The following RIT2 variants were observed in gnomAD, a reference collection of about 807,000 sequenced individuals.
The protein encoded by RIT2 is GTP-binding protein Rit2.
RIT2 carries 24 observed loss-of-function variants against 23.7 expected under a neutral mutation model. The observed-to-expected ratio is 1.01, with a 90% CI of 0.73 to 1.43. The LOEUF is 1.43. RIT2 is among the 40% of genes most tolerant of loss of function. The pLI is 0.00. For synonymous variants in RIT2, 107 were observed against 91.1 expected (o/e 1.17, Z -0.99); for missense variants, 236 against 266.9 (o/e 0.88, Z 0.81).
At chr18:42,939,591 A>G (rs1459212404) in intron 3 of RIT2, among the ~76,000 whole-genome samples, 5 of 152,140 alleles carry the variant, frequency 3.3e-5, no homozygotes, top group Admixed American at 3.3e-4. Flanking sequence ...TTAATCTGGT[A>G]TTACTACTAA....
At chr18:43,057,926 A>G (rs1912548222) in intron 1 of RIT2, among the ~76,000 whole-genome samples, 1 of 151,962 alleles carries the variant, frequency 6.6e-6, no homozygotes, top group Non-Finnish European at 1.5e-5. Flanking sequence ...TGGGCAACAC[A>G]TAATAGAATT....
intron 4 of RIT2, among the ~76,000 whole-genome samples, chr18:42,838,961 T>C (rs554382021): frequency 6.6e-6 from 1 of 152,314 alleles, no homozygotes; most frequent in East Asian, 1.9e-4. Context: ...GCAGAGCAAC[T>C]TCCGACAACA....
chr18:42,808,385 G>A (rs1568001434), intron 4 of RIT2, among the ~76,000 whole-genome samples: 1 of 152,164 alleles, frequency 6.6e-6, no homozygotes, highest in Non-Finnish European at 1.5e-5. Context: ...TAGAGGACAT[G>A]TAAAGTCATA....
chr18:43,081,182 C>T (rs1327966789), intron 1 of RIT2, among the ~76,000 whole-genome samples: 1 of 152,008 alleles, frequency 6.6e-6, no homozygotes, highest in African/African-American at 2.4e-5. Flanking sequence ...AATAAAAAGG[C>T]CTAAAAATAT....
intron 4 of RIT2, among the ~76,000 whole-genome samples, chr18:42,887,457 C>T (rs1392513186): frequency 6.6e-6 from 1 of 152,048 alleles, no homozygotes; most frequent in African/African-American, 2.4e-5. Flanking sequence ...ATGTATCACT[C>T]CATACATAAA....
chr18:42,783,430 C>T (rs1913856069), intron 4 of RIT2, among the ~76,000 whole-genome samples: 1 of 152,066 alleles, frequency 6.6e-6, no homozygotes, highest in African/African-American at 2.4e-5. Context: ...TACATTTAGC[C>T]TGTGCAATGT....
At chr18:42,990,045 G>T (rs1165632849) in intron 2 of RIT2, among the ~76,000 whole-genome samples, 2 of 149,888 alleles carry the variant, frequency 1.3e-5, no homozygotes, top group Admixed American at 6.7e-5. Flanking sequence ...GTGTGTGTAT[G>T]AATTTATTGT....
intron 4 of RIT2, among the ~76,000 whole-genome samples, chr18:42,912,043 T>C (rs1316845011): frequency 6.6e-6 from 1 of 151,766 alleles, no homozygotes; most frequent in African/African-American, 2.4e-5. Flanking sequence ...CTGAACAAAA[T>C]TTTATCAAAA....
chr18:43,024,741 A>G (rs1039996340), intron 2 of RIT2, among the ~76,000 whole-genome samples: 7 of 151,936 alleles, frequency 4.6e-5, no homozygotes. Context: ...CAACAACAAC[A>G]ACAAAATAGC....
chr18:42,750,911 A>G (rs917031508), intron 4 of RIT2, among the ~76,000 whole-genome samples: 1 of 151,902 alleles, frequency 6.6e-6, no homozygotes, highest in Admixed American at 6.6e-5. Context: ...AATAGAGAAG[A>G]AATATTTGAA....
At chr18:42,942,244 T>A (rs1335936772) in intron 3 of RIT2, among the ~76,000 whole-genome samples, 4 of 152,110 alleles carry the variant, frequency 2.6e-5, no homozygotes, top group Non-Finnish European at 5.9e-5. Context: ...TAAGGACTGC[T>A]TTTTACTGGC....
intron 4 of RIT2, among the ~76,000 whole-genome samples, chr18:42,884,799 G>A (rs189025963): frequency 1.4e-4 from 22 of 152,308 alleles, no homozygotes; most frequent in East Asian, 7.7e-4. Flanking sequence ...AGTGATTCTC[G>A]TTGGTTATAG....
intron 4 of RIT2, among the ~76,000 whole-genome samples, chr18:42,855,128 A>T (rs1471274105): frequency 6.6e-6 from 1 of 152,234 alleles, no homozygotes; most frequent in African/African-American, 2.4e-5. Context: ...CTAAAAAAAC[A>T]GCAAAATATT....
intron 4 of RIT2, among the ~76,000 whole-genome samples, chr18:42,834,622 A>G (rs1906548797): frequency 6.6e-6 from 1 of 152,136 alleles, no homozygotes. Flanking sequence ...GTTTTGCAGA[A>G]GTAAAATAAG....
chr18:42,902,321 T>C (rs1054454802), intron 4 of RIT2, among the ~76,000 whole-genome samples: 3 of 151,684 alleles, frequency 2.0e-5, no homozygotes, highest in African/African-American at 7.2e-5. Flanking sequence ...TTTGTCATGA[T>C]GGTGATTAGT....
At chr18:43,071,837 T>C (rs975737961) in intron 1 of RIT2, among the ~76,000 whole-genome samples, 2 of 152,194 alleles carry the variant, frequency 1.3e-5, no homozygotes, top group Non-Finnish European at 2.9e-5. Flanking sequence ...CTCAAAGTTA[T>C]CTATGAGTCA....
intron 2 of RIT2, among the ~76,000 whole-genome samples, chr18:42,981,598 C>A (rs1396470700): frequency 6.6e-6 from 1 of 151,566 alleles, no homozygotes; most frequent in Non-Finnish European, 1.5e-5. Flanking sequence ...AGACACAATC[C>A]AAAATGCCAT....
chr18:43,026,622 A>G lies in RIT2; in HGVS notation c.160+7189T>C, dbSNP rs1030461834. On this transcript the variant is annotated intron_variant, in intron 2 of 4. Transcript: ENST00000326695. ...AAAGAAAGAAAGAAAGAAAGAAAGA[A>G]AGAAAGAAAGAAAGAGAGAAAGAAG... Among the ~76,000 whole-genome samples the G allele has an allele frequency of 5.8e-5, 8 of 137,768 alleles. No individual in the cohort carries two copies. The South Asian group carries it at 7.8e-4, about 13-fold the overall frequency. The allele number at this position is 137,768 out of a possible 152,430, so 90.4% of individuals were successfully genotyped here. A position where few individuals can be genotyped will look rare whatever the true frequency, so the allele number is the denominator to read the frequency against.
intron 3 of RIT2, among the ~76,000 whole-genome samples, chr18:42,954,194 A>T (rs569134314): frequency 2.2e-4 from 34 of 152,146 alleles, no homozygotes; most frequent in African/African-American, 8.2e-4. Context: ...CCTGGCCAAC[A>T]TGGTGAAACC....
Sources: gnomAD v4.1 joint callset for allele counts (sites outside exome capture counted in the v4.1 genomes callset) on GRCh38, gnomAD v4.1.1 for gene constraint, MANE v1.5 for transcripts, NCBI Gene and HGNC (gene_info 2026-07-23, HGNC 2026-07-21) for gene names.